The following SHOC2 variants were observed in gnomAD, a reference collection of about 807,000 sequenced individuals.
SHOC2 encodes SHOC2 leucine rich repeat scaffold protein, also known as leucine-rich repeat protein SHOC-2.
Under a neutral mutation model 50.2 loss-of-function variants are expected in SHOC2, and 4 were observed. The ratio of observed to expected loss-of-function variants is 0.08; its 90% CI spans 0.04 to 0.18. SHOC2 has a LOEUF of 0.18. Among genes scored for constraint, SHOC2 ranks in the 10% least tolerant of loss-of-function variants. The probability of loss-of-function intolerance (pLI) is 1.00; values close to 1 mark genes in which losing one functional copy is unlikely to be tolerated. For missense variants in SHOC2, 388 were observed against 669.6 expected (o/e 0.58, Z 4.64); for synonymous variants, 218 against 244.5 (o/e 0.89, Z 1.01).
intron 1 of SHOC2, among the ~76,000 whole-genome samples, chr10:110,921,172 T>C (rs770863891): frequency 6.6e-6 from 1 of 152,238 alleles, no homozygotes; most frequent in Non-Finnish European, 1.5e-5. Flanking sequence ...TCAGTAAGGT[T>C]ATATTTATAA....
At position 110,964,577 on chromosome 10, in the gene SHOC2, A is replaced by G. The variant is rs770355799; in HGVS notation, c.219A>G (p.Lys73=). The change falls in exon 2 of 9, where the codon AAA becomes AAG. Residue 73 remains lysine, a synonymous_variant. Coordinates refer to ENST00000369452, the MANE Select transcript of SHOC2 (RefSeq NM_007373.4). This position sits in a 1 kb window ranked among gnomAD's most constrained non-coding sequence, Gnocchi z 4.9. ...CATTTTCAGTTGACAATACGATCAA[A>G]CGGCCAAACCCAGCACCTGGGACTA... ...GVAFSVDNTI[K]RPNPAPGTRK... is the part of the protein sequence containing the mutation. The G allele has an allele frequency of 3.7e-6, 6 of 1,614,090 alleles. No individual in the cohort carries two copies. Among genetic ancestry groups the G allele is most frequent in the Non-Finnish European group, 5.1e-6 (6 of 1,180,004 alleles).
intron 2 of SHOC2, among the ~76,000 whole-genome samples, chr10:110,970,575 G>T (rs1042995096): frequency 6.6e-6 from 1 of 152,032 alleles, no homozygotes; most frequent in Admixed American, 6.6e-5. Flanking sequence ...TGGTCATGTG[G>T]TAGGTTTTTG....
intron 3 of SHOC2, among the ~76,000 whole-genome samples, chr10:110,995,295 A>G (rs1848249887): frequency 6.6e-6 from 1 of 152,214 alleles, no homozygotes; most frequent in African/African-American, 2.4e-5. Context: ...AAGACCAAAT[A>G]TAATTAATTG....
chr10:110,965,027 A>G lies in SHOC2; in HGVS notation c.669A>G (p.Arg223=), dbSNP rs1449130119. 3 of 1,613,896 alleles carry G rather than the reference A, an allele frequency of 1.9e-6. No individual in the cohort carries two copies. Among genetic ancestry groups the G allele is most frequent in the Non-Finnish European group, 2.5e-6 (3 of 1,179,874 alleles). ...NLSKLSMLSI[R]ENKIKQLPAE... is the part of the protein sequence containing the mutation. The stretch of plus-strand genomic sequence containing the variant: ...CAAAACTCAGCATGCTTAGCATTCG[A>G]GAGAACAAAATTAAACAACTACCTG... The change falls in exon 2 of 9, where the codon CGA becomes CGG. Residue 223 remains arginine (R), a synonymous_variant. Coordinates refer to ENST00000369452, the MANE Select transcript of SHOC2 (RefSeq NM_007373.4).
intron 1 of SHOC2, among the ~76,000 whole-genome samples, chr10:110,952,707 C>T (rs184406742): frequency 3.8e-4 from 58 of 152,262 alleles, no homozygotes; most frequent in African/African-American, 1.3e-3. Flanking sequence ...AATGCCCTCC[C>T]TCCCCTTGCC....
intron 4 of SHOC2, 74 bp downstream of exon 4, chr10:111,000,619 T>C (rs1438565973): frequency 3.9e-6 from 5 of 1,289,620 alleles, no homozygotes; most frequent in African/African-American, 1.5e-5. Context: ...AGTAAATCTT[T>C]ATAGCAGGGT....
At chr10:110,950,139 G>A (rs1847322730) in intron 1 of SHOC2, among the ~76,000 whole-genome samples, 1 of 152,146 alleles carries the variant, frequency 6.6e-6, no homozygotes, top group Non-Finnish European at 1.5e-5. Flanking sequence ...GATCTTATAT[G>A]TAGGAAACCC....
chr10:110,976,683 A>G (rs1388091888), intron 2 of SHOC2, among the ~76,000 whole-genome samples: 1 of 151,968 alleles, frequency 6.6e-6, no homozygotes, highest in East Asian at 1.9e-4. Context: ...TTCCCCCCTC[A>G]GTATTTTAGA....
At chr10:110,996,202 A>G (rs1487752081) in intron 3 of SHOC2, among the ~76,000 whole-genome samples, 4 of 152,220 alleles carry the variant, frequency 2.6e-5, no homozygotes, top group Non-Finnish European at 5.9e-5. Flanking sequence ...GAATGTTTAC[A>G]TTTGATACAA....
intron 1 of SHOC2, among the ~76,000 whole-genome samples, chr10:110,960,940 G>A (rs1483796465): frequency 1.3e-5 from 2 of 152,282 alleles, no homozygotes; most frequent in East Asian, 1.9e-4. Context: ...GCCTCCCAAA[G>A]TGCTAGGATT....
Position 111,011,834 on chromosome 10 carries a change from C to G in SHOC2, c.*16C>G, listed in dbSNP as rs753327392. On this transcript the variant is annotated 3_prime_UTR_variant, in exon 9 of 9. Coordinates refer to ENST00000369452, the MANE Select transcript of SHOC2 (RefSeq NM_007373.4). Reference sequence around the variant, plus strand: ...CATGGTCTGATATAAATCTGCTGGTCCCACACACTGTTCAAAAATAGACTG... The same window carrying G: ...CATGGTCTGATATAAATCTGCTGGTGCCACACACTGTTCAAAAATAGACTG... 1.6e-5 allele frequency: 26 copies of G among 1,587,042 alleles called. No homozygotes were observed. Among genetic ancestry groups the G allele is most frequent in the Admixed American group, 5.0e-5 (3 of 59,940 alleles).
chr10:110,957,099 G>T (rs1847478889), intron 1 of SHOC2, among the ~76,000 whole-genome samples: 1 of 152,098 alleles, frequency 6.6e-6, no homozygotes, highest in African/African-American at 2.4e-5. Context: ...GCTGATCTTT[G>T]TATTTAAGTT....
chr10:110,988,896 A>T (rs901261725), intron 3 of SHOC2: 1 of 467,096 alleles, frequency 2.1e-6, no homozygotes, highest in Non-Finnish European at 4.4e-6. Flanking sequence ...TTTCTAATTT[A>T]CCCTTTTGTT....
intron 1 of SHOC2, among the ~76,000 whole-genome samples, chr10:110,958,350 A>G (rs1246192759): frequency 3.0e-4 from 46 of 151,934 alleles, no homozygotes; most frequent in Non-Finnish European, 4.4e-5. Flanking sequence ...AGTAGCTGGG[A>G]CTACAGGTGT....
In SHOC2 at chr10:110,964,238, C is replaced by T. The variant is rs1191487083; in HGVS notation, c.-121C>T. On this transcript the variant is annotated 5_prime_UTR_variant, in exon 2 of 9. Coordinates refer to ENST00000369452, the MANE Select transcript of SHOC2 (RefSeq NM_007373.4). This position sits in a 1 kb window ranked among gnomAD's most constrained non-coding sequence, Gnocchi z 4.9. ...TGTAACAGATGGATGTTACTCCATG[C>T]TGATTACTTCTTCAAGCCAGTACTT... 3 of 1,458,328 alleles carry T rather than the reference C, an allele frequency of 2.1e-6. No homozygotes were observed. The highest frequency in any genetic ancestry group is 2.8e-6 in the Non-Finnish European group (3 of 1,088,350). The allele number at this position is 1,458,328 out of a possible 1,614,324, so 90.3% of individuals were successfully genotyped here.
intron 2 of SHOC2, among the ~76,000 whole-genome samples, chr10:110,973,911 C>A (rs952588175): frequency 6.6e-6 from 1 of 151,454 alleles, no homozygotes; most frequent in Non-Finnish European, 1.5e-5. Flanking sequence ...GTTCCCCTTT[C>A]ATTCTTGAAA....
chr10:110,947,594 A>G (rs1267429816), intron 1 of SHOC2, among the ~76,000 whole-genome samples: 4 of 152,238 alleles, frequency 2.6e-5, no homozygotes, highest in Non-Finnish European at 5.9e-5. Flanking sequence ...TGTGTCCTCA[A>G]TAATGTAAAC....
At chr10:110,979,730 T>C (rs1049791632) in intron 2 of SHOC2, among the ~76,000 whole-genome samples, 14 of 152,348 alleles carry the variant, frequency 9.2e-5, no homozygotes, top group African/African-American at 3.1e-4. Context: ...AGCCACTAAA[T>C]ATTTTACGTA....
intron 3 of SHOC2, among the ~76,000 whole-genome samples, chr10:110,991,178 G>T (rs1848180211): frequency 6.6e-6 from 1 of 152,048 alleles, no homozygotes; most frequent in Admixed American, 6.5e-5. Context: ...CAGTCAAAGG[G>T]GCATGCGATT....
Sources: gnomAD v4.1 joint callset for allele counts (sites outside exome capture counted in the v4.1 genomes callset) on GRCh38, gnomAD v4.1.1 for gene constraint, Gnocchi (gnomAD v3.1) non-coding constraint, MANE v1.5 for transcripts, NCBI Gene and HGNC (gene_info 2026-07-23, HGNC 2026-07-21) for gene names.